The following COL27A1 variants were observed in gnomAD, a reference collection of about 807,000 sequenced individuals.
The protein encoded by COL27A1 is collagen alpha-1(XXVII) chain.
Under a neutral mutation model 251.3 loss-of-function variants are expected in COL27A1, and 106 were observed. The observed-to-expected ratio is 0.42, with a 90% confidence interval of 0.36 to 0.50. COL27A1 has a LOEUF of 0.50. Among genes scored for constraint, COL27A1 ranks in the 20% least tolerant of loss-of-function variants. COL27A1 has a pLI of 0.00. For missense variants in COL27A1, 2,325 were observed against 2,522.8 expected (o/e 0.92, Z 1.68); for synonymous variants, 1,000 against 986.3 (o/e 1.01, Z -0.26).
intron 27 of COL27A1, among the ~76,000 whole-genome samples, chr9:114,256,978 G>T (rs1307261664): frequency 6.6e-6 from 1 of 152,204 alleles, no homozygotes; most frequent in African/African-American, 2.4e-5. Flanking sequence ...CCGGGAGTCA[G>T]AACTGCCTTT....
chr9:114,213,905 T>C (rs1039804461), intron 12 of COL27A1, among the ~76,000 whole-genome samples: 1 of 152,204 alleles, frequency 6.6e-6, no homozygotes, highest in Non-Finnish European at 1.5e-5. Context: ...ACAGGCGTGT[T>C]GTTCCCTGGC....
intron 4 of COL27A1, among the ~76,000 whole-genome samples, chr9:114,181,547 C>T (rs1827915786): frequency 6.6e-6 from 1 of 152,168 alleles, no homozygotes; most frequent in Non-Finnish European, 1.5e-5. Context: ...TGCCTAGAGG[C>T]TGGTGGGGTT....
At chr9:114,247,627 G>T (rs1270016057) in intron 24 of COL27A1, among the ~76,000 whole-genome samples, 1 of 152,216 alleles carries the variant, frequency 6.6e-6, no homozygotes, top group Admixed American at 6.5e-5. Context: ...GTCTCATTTG[G>T]TCAGCAGAAC....
chr9:114,258,996 A>G (rs1175478938), intron 28 of COL27A1, among the ~76,000 whole-genome samples: 1 of 152,240 alleles, frequency 6.6e-6, no homozygotes, highest in Non-Finnish European at 1.5e-5. Context: ...CACTTGGCAG[A>G]TGCAGGTGAT....
Position 114,275,739 on chromosome 9 carries a change from C to A in COL27A1, c.3688C>A (p.Pro1230Thr). 6.5e-7 allele frequency: 1 copy of A among 1,549,164 alleles called. No homozygotes were observed. Among genetic ancestry groups the A allele is most frequent in the Non-Finnish European group, 8.7e-7 (1 of 1,146,608 alleles). ...AGGGCTGATGGGTGAGGACGGGCCC[C>A]CCGGCCCCCCTGGCGTCACTGGTGT... The part of the protein sequence containing the change: ...QEGLMGEDGP[P>T]GPPGVTGVRG... Residue 1230 changes from proline (P) to threonine (T), a missense_variant, in exon 37 of 61, where the codon CCC becomes ACC. Around this residue, in one of 4 missense-constraint regions of COL27A1, gnomAD observed 662 missense variants for 795.3 expected, o/e 0.83. Coordinates refer to ENST00000356083, the MANE Select transcript of COL27A1 (RefSeq NM_032888.4).
chr9:114,224,938 TC>T (rs1831367471), intron 14 of COL27A1, among the ~76,000 whole-genome samples: 1 of 152,146 alleles, frequency 6.6e-6, no homozygotes, highest in Non-Finnish European at 1.5e-5. Context: ...ACCTCCTGGT[TC>T]TTTAAAAGGT....
At chr9:114,197,719 A>G (rs1472946900) in intron 7 of COL27A1, among the ~76,000 whole-genome samples, 2 of 152,206 alleles carry the variant, frequency 1.3e-5, no homozygotes. Context: ...GAGCAGGGAG[A>G]GGCAGCTTCT....
At chr9:114,210,104 C>A (rs2135331166) in intron 11 of COL27A1, among the ~76,000 whole-genome samples, 1 of 152,306 alleles carries the variant, frequency 6.6e-6, no homozygotes, top group East Asian at 1.9e-4. Flanking sequence ...GACTTGCAAC[C>A]AATGAACACC....
chr9:114,234,212 TAAAAAAAAAA>T (rs11415885), intron 16 of COL27A1, among the ~76,000 whole-genome samples: 1 of 89,368 alleles, frequency 1.1e-5, no homozygotes, highest in Admixed American at 1.3e-4. Flanking sequence ...TCTTGGACAT[TAAAAAAAAAA>T]AAAAAAAAAA....
At position 114,290,269 on chromosome 9, in the gene COL27A1, G is replaced by A. The variant is rs902124479; in HGVS notation, c.4306G>A (p.Gly1436Ser). The change falls in exon 47 of 61, where the codon GGC becomes AGC. Residue 1436 changes from glycine (G) to serine (S), a missense_variant. By Grantham distance (56) the Gly-to-Ser change is moderately conservative. Transcript: ENST00000356083. This position sits in a 1 kb window ranked among gnomAD's most constrained non-coding sequence, Gnocchi z 4.6. ...GCCCCGGGGCGTGGTGGGGAGACAGGGCCTCGAGGGCATCGCTGGACCAGA... is the reference window on the plus strand; with the variant it reads ...GCCCCGGGGCGTGGTGGGGAGACAGAGCCTCGAGGGCATCGCTGGACCAGA... ...PGPRGVVGRQ[G>S]LEGIAGPDGL... The A allele has an allele frequency of 1.9e-6, 3 of 1,579,012 alleles. No individual in the cohort carries two copies. Among genetic ancestry groups the A allele is most frequent in the African/African-American group, 1.3e-5 (1 of 74,558 alleles).
chr9:114,295,981 A>G (rs1002074195), intron 49 of COL27A1, among the ~76,000 whole-genome samples: 10 of 152,220 alleles, frequency 6.6e-5, no homozygotes, highest in Non-Finnish European at 1.5e-4. Context: ...TGCAAAGACG[A>G]TTCAGCAAAT....
chr9:114,307,833 G>A (rs1456098036), intron 59 of COL27A1, 55 bp downstream of exon 59: 1 of 1,348,276 alleles, frequency 7.4e-7, no homozygotes, highest in Non-Finnish European at 1.1e-6. Flanking sequence ...TCCCCAGCCT[G>A]CCCTGGGCCA....
chr9:114,266,262 C>T (rs1834735273), intron 32 of COL27A1, among the ~76,000 whole-genome samples: 1 of 152,126 alleles, frequency 6.6e-6, no homozygotes, highest in East Asian at 1.9e-4. Context: ...GGTGGAAGAG[C>T]GTTCCAGGCA....
intron 49 of COL27A1, among the ~76,000 whole-genome samples, chr9:114,296,462 C>A (rs1482231114): frequency 1.3e-5 from 2 of 152,126 alleles, no homozygotes; most frequent in South Asian, 2.1e-4. Context: ...AGATTAATAT[C>A]ATTAGTCATT....
intron 7 of COL27A1, among the ~76,000 whole-genome samples, chr9:114,203,698 T>A (rs1829729273): frequency 1.3e-5 from 2 of 152,186 alleles, no homozygotes; most frequent in East Asian, 3.9e-4. Flanking sequence ...AAACTGACTC[T>A]GCTGTTTATA....
chr9:114,298,134 TA>T (rs35546102), intron 49 of COL27A1, among the ~76,000 whole-genome samples: 69,915 of 140,808 alleles, frequency 0.5, 17,014 homozygotes, highest in East Asian at 0.64. Context: ...GACCCCATCT[TA>T]AAAAAAAAAA....
chr9:114,288,824 T>G (rs377230876), intron 43 of COL27A1, 69 bp downstream of exon 43: 55 of 1,604,024 alleles, frequency 3.4e-5, no homozygotes, highest in Non-Finnish European at 4.7e-5. Context: ...GACACATGTC[T>G]AGAAAGAACA....
chr9:114,206,221 T>C (rs759479966), intron 9 of COL27A1, 31 bp from the exon 10 acceptor site: 1 of 1,612,356 alleles, frequency 6.2e-7, no homozygotes. Flanking sequence ...CGTCTCCATA[T>C]GTCCTTGCCC....
chr9:114,266,469 A>C, intron 32 of COL27A1, 96 bp from the exon 33 acceptor site: 1 of 1,019,420 alleles, frequency 9.8e-7, no homozygotes, highest in Admixed American at 2.0e-5. Flanking sequence ...CAGAGTCCCC[A>C]GTTCTGGGGG....
Sources: allele counts gnomAD v4.1 joint callset (sites outside exome capture counted in the v4.1 genomes callset), GRCh38; gene constraint gnomAD v4.1.1; regional missense constraint gnomAD v4.1.1; non-coding constraint Gnocchi (gnomAD v3.1); transcripts MANE v1.5; gene names NCBI Gene and HGNC (gene_info 2026-07-23, HGNC 2026-07-21).